KRT72: variants seen among roughly 807,000 people sequenced by gnomAD.
The protein encoded by KRT72 is keratin, type II cytoskeletal 72.
KRT72 carries 44 observed loss-of-function variants against 44.7 expected under a neutral mutation model. The ratio of observed to expected loss-of-function variants is 0.98; its 90% CI spans 0.77 to 1.27. KRT72 has a LOEUF of 1.27. KRT72 is among the 50% of genes most tolerant of loss of function. The probability of loss-of-function intolerance (pLI) is 0.00; values close to 1 mark genes in which losing one functional copy is unlikely to be tolerated. For missense variants in KRT72, 736 were observed against 667.1 expected (o/e 1.10, Z -1.14); for synonymous variants, 302 against 280.4 (o/e 1.08, Z -0.77).
In KRT72 at chr12:52,591,482, C is replaced by A; in HGVS notation, c.945G>T (p.Glu315Asp). Residue 315 changes from glutamate to aspartate, a missense_variant, in exon 5 of 9, where the codon GAG (glutamate) becomes GAT (aspartate). Physicochemically the swap from Glu to Asp is conservative, Grantham distance 45. Coordinates refer to ENST00000293745, the MANE Select transcript of KRT72 (RefSeq NM_080747.3). ...EIALKSKAEAETLYQTKIQEL... is the reference protein window; with the variant it reads ...EIALKSKAEADTLYQTKIQEL... ...AGCTCACCTTGGTCTGGTACAGGGT[C>A]TCAGCCTCGGCCTTGCTCTTTAGGG... 6.2e-7 allele frequency: 1 copy of A among 1,613,856 alleles called. No individual in the cohort carries two copies. The highest frequency in any genetic ancestry group is 8.5e-7 in the Non-Finnish European group (1 of 1,179,798).
chr12:52,593,903 G>A (rs530663740), intron 2 of KRT72, among the ~76,000 whole-genome samples: 1 of 152,308 alleles, frequency 6.6e-6, no homozygotes, highest in East Asian at 1.9e-4. Context: ...TTAGTGTTAA[G>A]TGGGTATACA....
At position 52,601,149 on chromosome 12, in the gene KRT72, C is replaced by CGGT. The variant is rs764476048; in HGVS notation, c.301_303dup (p.Thr101dup). On this transcript the variant is annotated inframe_insertion, in exon 1 of 9. Transcript: ENST00000293745. ...AGCGGGGCCAGGAGGCTCTTGTTGA[C>CGGT]GGTGACCTGAGGGATGCCCCCGGGT... 4.6e-5 allele frequency: 74 copies of CGGT among 1,613,566 alleles called. 1 individual carries two copies. The South Asian group carries it at 7.5e-4, about 16-fold the overall frequency.
intron 2 of KRT72, among the ~76,000 whole-genome samples, chr12:52,595,809 G>T (rs1014547843): frequency 6.6e-6 from 1 of 152,180 alleles, no homozygotes; most frequent in Non-Finnish European, 1.5e-5. Flanking sequence ...TATAAGCATG[G>T]CCATTTGATC....
intron 2 of KRT72, 46 bp downstream of exon 2, chr12:52,598,852 T>C: frequency 1.9e-6 from 3 of 1,580,404 alleles, no homozygotes; most frequent in Non-Finnish European, 2.6e-6. Flanking sequence ...GAAAACCTCA[T>C]TTGAAATCAG....
chr12:52,594,134 A>G (rs1940154753), intron 2 of KRT72, among the ~76,000 whole-genome samples: 1 of 152,220 alleles, frequency 6.6e-6, no homozygotes, highest in African/African-American at 2.4e-5. Context: ...AATCCTTTTC[A>G]GCTCTTCGCT....
chr12:52,600,222 T>C (rs1227874725), intron 1 of KRT72, among the ~76,000 whole-genome samples: 1 of 152,120 alleles, frequency 6.6e-6, no homozygotes. Flanking sequence ...TCCTCTATCA[T>C]CTTCCTGGCT....
chr12:52,588,821 C>T (rs1939884773), intron 6 of KRT72, among the ~76,000 whole-genome samples: 1 of 152,092 alleles, frequency 6.6e-6, no homozygotes, highest in Non-Finnish European at 1.5e-5. Context: ...CATGATGAAA[C>T]CTCGTCTCTA....
At position 52,591,595 on chromosome 12, in the gene KRT72, T is replaced by C; in HGVS notation, c.832A>G (p.Thr278Ala). The C allele has an allele frequency of 6.2e-7, 1 of 1,613,766 alleles. No individual in the cohort carries two copies. The highest frequency in any genetic ancestry group is 1.7e-5 in the Admixed American group (1 of 60,012). The change falls in exon 5 of 9, where the codon ACG becomes GCG. Residue 278 changes from threonine (T) to alanine (A), a missense_variant. By Grantham distance (58) the Thr-to-Ala change is moderately conservative. Transcript: ENST00000293745. The stretch of plus-strand genomic sequence containing the variant: ...TTGTCCATTGACAGGACGATGGACG[T>C]GTCGCTGATGTGGGACTGGATCTGA... The part of the protein sequence containing the change: ...ITQIQSHISD[T>A]SIVLSMDNNR...
intron 2 of KRT72, among the ~76,000 whole-genome samples, chr12:52,598,074 C>T (rs1211481533): frequency 6.6e-6 from 1 of 152,220 alleles, no homozygotes; most frequent in African/African-American, 2.4e-5. Flanking sequence ...TCAGTTCACA[C>T]CATATTTGTT....
In KRT72 at chr12:52,601,218, A is replaced by ACACTTGGGCCCCAGCCC; in HGVS notation, c.234_235insGGGCTGGGGCCCAAGTG (p.Phe79GlyfsTer60). ...TTGGGCCCCAGCCCGGCGCTGCCGA[A>ACACTTGGGCCCCAGCCC]GGCGGTGCCCACGAAGCCGCCCAGG... On this transcript the variant is annotated frameshift_variant, in exon 1 of 9. Coordinates refer to ENST00000293745, the MANE Select transcript of KRT72 (RefSeq NM_080747.3). LOFTEE classifies it high-confidence loss of function. 6.2e-7 allele frequency: 1 copy of ACACTTGGGCCCCAGCCC among 1,606,940 alleles called. No homozygotes were observed. The highest frequency in any genetic ancestry group is 8.5e-7 in the Non-Finnish European group (1 of 1,176,608).
Position 52,585,931 on chromosome 12 carries a change from G to A in KRT72, c.*51C>T, listed in dbSNP as rs757763021. The A allele has an allele frequency of 5.3e-6, 8 of 1,510,634 alleles. No individual in the cohort carries two copies. The highest frequency in any genetic ancestry group is 1.4e-5 in the African/African-American group (1 of 72,582). 93.6% of individuals were successfully genotyped at this position (1,510,634 alleles called of 1,614,324 possible). ...AGGGAGCCCAGGGAAGGAGAGGGAGGAGACGGGTGAGTTGGGAAGCCTTCT... is the reference window on the plus strand; with the variant it reads ...AGGGAGCCCAGGGAAGGAGAGGGAGAAGACGGGTGAGTTGGGAAGCCTTCT... On this transcript the variant is annotated 3_prime_UTR_variant, in exon 9 of 9. Coordinates refer to ENST00000293745, the MANE Select transcript of KRT72 (RefSeq NM_080747.3).
intron 2 of KRT72, among the ~76,000 whole-genome samples, 162 bp downstream of exon 2, chr12:52,598,736 A>G (rs75992227): frequency 3.3e-5 from 5 of 152,208 alleles, no homozygotes; most frequent in African/African-American, 9.6e-5. Flanking sequence ...AGTTTGGAGA[A>G]CCGGTGTAGG....
At chr12:52,595,533 T>G (rs913007927) in intron 2 of KRT72, among the ~76,000 whole-genome samples, 1 of 152,214 alleles carries the variant, frequency 6.6e-6, no homozygotes, top group Admixed American at 6.5e-5. Flanking sequence ...CTCATGTCTC[T>G]GATTTGAATA....
intron 6 of KRT72, among the ~76,000 whole-genome samples, chr12:52,588,425 T>A (rs963262227): frequency 3.9e-5 from 6 of 152,206 alleles, no homozygotes; most frequent in Admixed American, 1.3e-4. Flanking sequence ...CCGCATGTTC[T>A]CACTTATAAG....
At chr12:52,587,463 T>TG (rs942908868) in intron 7 of KRT72, among the ~76,000 whole-genome samples, 168 bp downstream of exon 7, 5 of 152,148 alleles carry the variant, frequency 3.3e-5, no homozygotes, top group Non-Finnish European at 7.4e-5. Context: ...TTTTTACAAC[T>TG]TGGTCTTTCT....
upstream of KRT72, among the ~76,000 whole-genome samples, chr12:52,601,919 G>A (rs531268403): frequency 3.9e-5 from 6 of 152,244 alleles, no homozygotes; most frequent in East Asian, 1.9e-4. Flanking sequence ...CAAGACTATC[G>A]CAGAAAATCA....
intron 4 of KRT72, among the ~76,000 whole-genome samples, chr12:52,591,992 C>T (rs909725900): frequency 1.3e-5 from 2 of 152,186 alleles, no homozygotes; most frequent in African/African-American, 4.8e-5. Flanking sequence ...CGCCCTTCTT[C>T]ATTCCTCATG....
At chr12:52,590,200 A>G (rs1382645212) in intron 6 of KRT72, among the ~76,000 whole-genome samples, 1 of 152,148 alleles carries the variant, frequency 6.6e-6, no homozygotes. Flanking sequence ...ACTACCTCCC[A>G]AAGAGGGGGA....
Position 52,599,004 on chromosome 12 carries a change from A to T in KRT72, c.535T>A (p.Tyr179Asn), listed in dbSNP as rs1238037471. The T allele has an allele frequency of 6.2e-7, 1 of 1,614,026 alleles. No homozygotes were observed. Among genetic ancestry groups the T allele is most frequent in the Non-Finnish European group, 8.5e-7 (1 of 1,179,916 alleles). ...AGCTGCTTCTGCAGGTTGCTGATGT[A>T]GCCCTCATAAATGGGCTCCAGGTTC... The part of the protein sequence containing the change: ...RKNLEPIYEG[Y>N]ISNLQKQLEM... Residue 179 changes from tyrosine to asparagine, a missense_variant, in exon 2 of 9, where the codon TAC (tyrosine) becomes AAC (asparagine). By Grantham distance (143) the Tyr-to-Asn change is moderately radical. Coordinates refer to ENST00000293745, the MANE Select transcript of KRT72 (RefSeq NM_080747.3).
Sources: gnomAD v4.1 joint callset for allele counts (sites outside exome capture counted in the v4.1 genomes callset) on GRCh38, gnomAD v4.1.1 for gene constraint, MANE v1.5 for transcripts, NCBI Gene and HGNC (gene_info 2026-07-23, HGNC 2026-07-21) for gene names.